The following FGD5 variants were observed in gnomAD, a reference collection of about 807,000 sequenced individuals.
The protein encoded by FGD5 is FYVE, RhoGEF and PH domain containing 5.
FGD5 carries 28 observed loss-of-function variants against 133.4 expected under a neutral mutation model. The ratio of observed to expected loss-of-function variants is 0.21; its 90% CI spans 0.16 to 0.29. The LOEUF is 0.29. Ranked by LOEUF, FGD5 falls within the 10% of genes least tolerant of loss-of-function variation. FGD5 has a pLI of 1.00. For synonymous variants in FGD5, 810 were observed against 776.5 expected (o/e 1.04, Z -0.72); for missense variants, 1,858 against 1,895.2 (o/e 0.98, Z 0.36).
Position 14,870,361 on chromosome 3 carries a change from C to T in FGD5, c.2658+6101C>T, listed in dbSNP as rs1358400516. On this transcript the variant is annotated intron_variant, in intron 2 of 19. Transcript: ENST00000285046. ...GCCATGGCCATATTGAAGCCTCCCTCACTCCTCCACCTCCCTTACTGCTGT... is the reference window on the plus strand; with the variant it reads ...GCCATGGCCATATTGAAGCCTCCCTTACTCCTCCACCTCCCTTACTGCTGT... Among the ~76,000 whole-genome samples, 4 of 152,298 alleles carry T rather than the reference C, an allele frequency of 2.6e-5. No homozygotes were observed. In the East Asian group the frequency reaches 7.7e-4, roughly 29 times the overall value.
intron 9 of FGD5, among the ~76,000 whole-genome samples, chr3:14,905,596 A>C (rs2038323267): frequency 6.6e-6 from 1 of 151,834 alleles, no homozygotes; most frequent in Non-Finnish European, 1.5e-5. Flanking sequence ...TCTGATACTG[A>C]TTTTTTACTT....
chr3:14,922,381 C>G lies in FGD5; in HGVS notation c.3670-30C>G, dbSNP rs1238284540. 1.3e-6 allele frequency: 2 copies of G among 1,557,024 alleles called. No individual in the cohort carries two copies. Among genetic ancestry groups the G allele is most frequent in the Non-Finnish European group, 1.7e-6 (2 of 1,150,200 alleles). ...TCTGGCTGGTCTCCTGGCCACATTC[C>G]ACATTACTCAGCCAATTCTGTTGCT... On this transcript the variant is annotated intron_variant, in intron 14 of 19. Transcript: ENST00000285046. The surrounding 1 kb of genome is among the most constrained non-coding windows in gnomAD (Gnocchi z 4.1).
In FGD5 at chr3:14,819,140, C is replaced by T; in HGVS notation, c.69C>T (p.Ala23=). Residue 23 remains alanine, a synonymous_variant, in exon 1 of 20, where the codon GCC becomes GCT. Coordinates refer to ENST00000285046, the MANE Select transcript of FGD5 (RefSeq NM_152536.4). This position sits in a 1 kb window ranked among gnomAD's most constrained non-coding sequence, Gnocchi z 4.1. ...TGACTGCCCCAAACGAGTGGAGAGC[C>T]AGTGTGTACCTGAATGACAGCTTGA... is the stretch of plus-strand genomic sequence containing the variant. The part of the protein sequence containing the change: ...PRLTAPNEWR[A]SVYLNDSLNK... The T allele has an allele frequency of 6.4e-7, 1 of 1,551,270 alleles. No individual in the cohort carries two copies. Among genetic ancestry groups the T allele is most frequent in the South Asian group, 1.2e-5 (1 of 84,026 alleles).
chr3:14,823,067 C>T (rs1201410819), intron 1 of FGD5, among the ~76,000 whole-genome samples: 1 of 152,132 alleles, frequency 6.6e-6, no homozygotes, highest in African/African-American at 2.4e-5. Context: ...CCAGCACAGC[C>T]CGAGGGACTG....
At chr3:14,871,962 A>G (rs1451535903) in intron 2 of FGD5, among the ~76,000 whole-genome samples, 5 of 152,136 alleles carry the variant, frequency 3.3e-5, no homozygotes, top group African/African-American at 9.7e-5. Flanking sequence ...CATCTGGGGG[A>G]TCATTAGAAA....
intron 1 of FGD5, among the ~76,000 whole-genome samples, chr3:14,857,439 G>C (rs2037305889): frequency 6.6e-6 from 1 of 152,140 alleles, no homozygotes; most frequent in Non-Finnish European, 1.5e-5. Context: ...ACAGGCTTGA[G>C]CCACTGAGCC....
At chr3:14,829,288 C>T (rs950704744) in intron 1 of FGD5, among the ~76,000 whole-genome samples, 7 of 152,104 alleles carry the variant, frequency 4.6e-5, no homozygotes, top group African/African-American at 1.7e-4. Context: ...TACGCCATCC[C>T]CTGGGCAGGG....
At chr3:14,830,991 A>G (rs1209018330) in intron 1 of FGD5, among the ~76,000 whole-genome samples, 6 of 152,118 alleles carry the variant, frequency 3.9e-5, no homozygotes, top group Non-Finnish European at 8.8e-5. Flanking sequence ...ATACAAAGTG[A>G]CTGGTGGAAG....
chr3:14,905,489 A>T lies in FGD5; in HGVS notation c.3265-2151A>T, dbSNP rs1162349639. Among the ~76,000 whole-genome samples, 3 of 152,116 alleles carry T rather than the reference A, an allele frequency of 2.0e-5. No individual in the cohort carries two copies. The East Asian group carries it at 5.8e-4, about 29-fold the overall frequency. The stretch of plus-strand genomic sequence containing the variant: ...TCTTTTTCCCTGCTCTTTGTGTTTC[A>T]GTATGGATCATCTCCACTGATCTGT... On this transcript the variant is annotated intron_variant, in intron 9 of 19. Transcript: ENST00000285046.
At chr3:14,877,350 G>A (rs2037739861) in intron 2 of FGD5, among the ~76,000 whole-genome samples, 1 of 152,232 alleles carries the variant, frequency 6.6e-6, no homozygotes, top group Non-Finnish European at 1.5e-5. Context: ...CTGCACGTCT[G>A]GCAGGAGGGG....
At chr3:14,889,594 G>C (rs2037987707) in intron 4 of FGD5, among the ~76,000 whole-genome samples, 1 of 152,128 alleles carries the variant, frequency 6.6e-6, no homozygotes, top group Non-Finnish European at 1.5e-5. Flanking sequence ...GATAAGCATA[G>C]ACATAGCTTT....
At chr3:14,873,324 G>A (rs1323652348) in intron 2 of FGD5, among the ~76,000 whole-genome samples, 1 of 152,212 alleles carries the variant, frequency 6.6e-6, no homozygotes, top group Non-Finnish European at 1.5e-5. Flanking sequence ...TAAACCATGA[G>A]CAGTGGAAGG....
chr3:14,831,699 T>A (rs922630684), intron 1 of FGD5, among the ~76,000 whole-genome samples: 22 of 152,150 alleles, frequency 1.4e-4, no homozygotes, highest in Admixed American at 1.2e-3. Context: ...GTGAACTGAT[T>A]TGATCCGTAA....
At chr3:14,865,535 C>G (rs965217671) in intron 2 of FGD5, among the ~76,000 whole-genome samples, 1 of 152,126 alleles carries the variant, frequency 6.6e-6, no homozygotes, top group African/African-American at 2.4e-5. Context: ...CCTTCACACC[C>G]TCCCCACCCC....
intron 18 of FGD5, among the ~76,000 whole-genome samples, chr3:14,927,738 T>A (rs1238294798): frequency 6.6e-6 from 1 of 151,994 alleles, no homozygotes; most frequent in Admixed American, 6.6e-5. Context: ...CTATCAAAAA[T>A]ACATAGGAAT....
At position 14,885,850 on chromosome 3, in the gene FGD5, G is replaced by A. The variant is rs1204797019; in HGVS notation, c.2748+5078G>A. Among the ~76,000 whole-genome samples, 4 of 152,290 alleles carry A rather than the reference G, an allele frequency of 2.6e-5. No homozygotes were observed. The East Asian group carries it at 5.8e-4, about 22-fold the overall frequency. ...GGACATAGTCTCTCCTATTCAATGGGAGGAATATTGAGCTCACATTGTATA... is the reference window on the plus strand; with the variant it reads ...GGACATAGTCTCTCCTATTCAATGGAAGGAATATTGAGCTCACATTGTATA... On this transcript the variant is annotated intron_variant, in intron 4 of 19. Transcript: ENST00000285046.
At chr3:14,916,953 C>T (rs1002265813) in intron 11 of FGD5, among the ~76,000 whole-genome samples, 1 of 152,214 alleles carries the variant, frequency 6.6e-6, no homozygotes, top group Non-Finnish European at 1.5e-5. Flanking sequence ...ATCCATTCAC[C>T]TGCAGATAGA....
chr3:14,813,477 T>A (rs908605632), intron 1 of FGD5, among the ~76,000 whole-genome samples: 2 of 152,036 alleles, frequency 1.3e-5, no homozygotes, highest in African/African-American at 4.8e-5. Context: ...AATTGGAAGG[T>A]GAAATTGGAA....
At chr3:14,864,030 G>C in intron 1 of FGD5, 98 bp from the exon 2 acceptor site, 7 of 1,526,950 alleles carry the variant, frequency 4.6e-6, no homozygotes, top group Non-Finnish European at 6.2e-6. Context: ...CTTACTACTT[G>C]TTTTCTGTCC....
Sources: allele counts gnomAD v4.1 joint callset (sites outside exome capture counted in the v4.1 genomes callset), GRCh38; gene constraint gnomAD v4.1.1; non-coding constraint Gnocchi (gnomAD v3.1); transcripts MANE v1.5; gene names NCBI Gene and HGNC (gene_info 2026-07-23, HGNC 2026-07-21).